The following KLF8 variants were observed in gnomAD, a reference collection of about 807,000 sequenced individuals.
The protein encoded by KLF8 is KLF transcription factor 8.
In KLF8, 10 loss-of-function variants were observed where a neutral mutation model predicts 18.2. That is an observed-to-expected ratio of 0.55 (90% CI 0.34 to 0.93). KLF8 has a LOEUF of 0.93. Among genes scored for constraint, KLF8 ranks in the 40% least tolerant of loss-of-function variants. KLF8 has a pLI of 0.02. For missense variants in KLF8, 264 were observed against 277.9 expected (o/e 0.95, Z 0.36); for synonymous variants, 109 against 97.3 (o/e 1.12, Z -0.71).
At chrX:56,091,194 A>T in the KLF8 span, among the ~76,000 whole-genome samples, 4 of 110,902 alleles carry the variant, frequency 3.6e-5, no homozygotes, top group Non-Finnish European at 3.8e-5. Flanking sequence ...GGCAGTTTCC[A>T]CCATGCTATT....
intron 3 of KLF8, 169 bp downstream of exon 3, chrX:56,265,913 A>G: frequency 9.6e-7 from 1 of 1,046,995 alleles, no homozygotes; most frequent in Non-Finnish European, 1.2e-6. Flanking sequence ...AGAATGTACA[A>G]TGAGTCTTGA....
the KLF8 span, among the ~76,000 whole-genome samples, chrX:56,090,458 A>G: frequency 1.8e-5 from 2 of 112,213 alleles, no homozygotes; most frequent in East Asian, 2.8e-4. Context: ...TGTATTTCAA[A>G]TGTGTTGGAA....
At chrX:56,029,883 C>T in the KLF8 span, among the ~76,000 whole-genome samples, 1 of 111,890 alleles carries the variant, frequency 8.9e-6, no homozygotes, top group African/African-American at 3.3e-5. Flanking sequence ...CGTTCTCCCT[C>T]CTTATGGCTT....
At chrX:56,058,031 G>A in the KLF8 span, among the ~76,000 whole-genome samples, 7 of 103,118 alleles carry the variant, frequency 6.8e-5, no homozygotes, top group Non-Finnish European at 1.4e-4. Flanking sequence ...ACAAGTCCCC[G>A]CGTGGAGTAG....
the KLF8 span, among the ~76,000 whole-genome samples, chrX:55,966,327 T>A: frequency 8.9e-6 from 1 of 112,177 alleles, no homozygotes; most frequent in Non-Finnish European, 1.9e-5. Flanking sequence ...TTTGCTGGCT[T>A]CAGGTCTGTC....
the KLF8 span, among the ~76,000 whole-genome samples, chrX:56,159,654 G>C: frequency 1.8e-5 from 2 of 112,403 alleles, no homozygotes; most frequent in East Asian, 5.5e-4. Flanking sequence ...ATTTCTTCTA[G>C]ATTTTCTAGT....
the KLF8 span, among the ~76,000 whole-genome samples, chrX:56,050,049 T>C: frequency 1.8e-5 from 2 of 111,039 alleles, no homozygotes; most frequent in African/African-American, 6.6e-5. Context: ...TCTAGTTTAT[T>C]TGCATAGAGG....
the KLF8 span, among the ~76,000 whole-genome samples, chrX:56,069,633 C>G: frequency 3.0e-4 from 34 of 111,524 alleles, no homozygotes. Flanking sequence ...AGGGGTGCAG[C>G]CCCCTATTGC....
the KLF8 span, among the ~76,000 whole-genome samples, chrX:55,945,637 A>G: frequency 1.8e-5 from 2 of 111,377 alleles, no homozygotes; most frequent in African/African-American, 3.3e-5. Flanking sequence ...AGTTCTGGCC[A>G]GGACAATTAG....
chrX:55,930,938 G>A, the KLF8 span, among the ~76,000 whole-genome samples: 3 of 111,882 alleles, frequency 2.7e-5, no homozygotes, highest in Admixed American at 9.5e-5. Flanking sequence ...TCTATTTATT[G>A]GAATAGTTTC....
At chrX:56,210,629 C>G in the KLF8 span, among the ~76,000 whole-genome samples, 8 of 110,633 alleles carry the variant, frequency 7.2e-5, no homozygotes, top group South Asian at 1.9e-3. Context: ...AACTTTCTAC[C>G]CCTATCTCTT....
chrX:56,055,190 G>T, the KLF8 span, among the ~76,000 whole-genome samples: 1 of 111,933 alleles, frequency 8.9e-6, no homozygotes, highest in Non-Finnish European at 1.9e-5. Context: ...CTGTATTTCA[G>T]TATGTTTTCG....
chrX:56,100,814 T>C, the KLF8 span, among the ~76,000 whole-genome samples: 4 of 112,266 alleles, frequency 3.6e-5, no homozygotes, highest in Non-Finnish European at 1.9e-5. Context: ...TTGTTTCTTA[T>C]GGATGAGCAA....
chrX:56,070,756 T>C, the KLF8 span, among the ~76,000 whole-genome samples: 3 of 112,543 alleles, frequency 2.7e-5, no homozygotes, highest in Non-Finnish European at 5.6e-5. Flanking sequence ...CAGCACGTTC[T>C]GCACATGTAT....
the KLF8 span, among the ~76,000 whole-genome samples, chrX:56,000,995 C>T: frequency 9.0e-6 from 1 of 111,606 alleles, no homozygotes; most frequent in East Asian, 2.8e-4. Context: ...GTGAAACAGA[C>T]AGAGTAAATA....
At chrX:56,197,151 T>A in the KLF8 span, among the ~76,000 whole-genome samples, 79 of 111,204 alleles carry the variant, frequency 7.1e-4, 1 homozygote, top group Non-Finnish European at 1.4e-3. Flanking sequence ...AGGAAAGATC[T>A]AAATTTGACA....
chrX:56,262,414 A>G (rs2066894474), intron 2 of KLF8, among the ~76,000 whole-genome samples: 5 of 111,812 alleles, frequency 4.5e-5, no homozygotes. Flanking sequence ...TGAGCTAGTA[A>G]CATTGTTGTA....
At chrX:56,144,259 A>C in the KLF8 span, among the ~76,000 whole-genome samples, 1 of 111,733 alleles carries the variant, frequency 8.9e-6, no homozygotes, top group East Asian at 2.8e-4. Flanking sequence ...ATGACCTTGC[A>C]TTTGGGATTG....
the KLF8 span, among the ~76,000 whole-genome samples, chrX:56,030,009 C>T: frequency 2.7e-5 from 3 of 112,391 alleles, no homozygotes; most frequent in African/African-American, 6.5e-5. Context: ...TGGATATCTT[C>T]TGCACTTTGA....
Sources: allele counts gnomAD v4.1 joint callset (sites outside exome capture counted in the v4.1 genomes callset), GRCh38; gene constraint gnomAD v4.1.1; transcripts MANE v1.5; gene names NCBI Gene and HGNC (gene_info 2026-07-23, HGNC 2026-07-21).